The following GRXCR2 variants were observed in gnomAD, a reference collection of about 807,000 sequenced individuals.
GRXCR2 encodes the protein glutaredoxin domain-containing cysteine-rich protein 2.
A neutral mutation model predicts 24.8 loss-of-function variants in GRXCR2; 23 were observed. The ratio of observed to expected loss-of-function variants is 0.93; its 90% confidence interval spans 0.67 to 1.32. The LOEUF is 1.32. Ranked by LOEUF, GRXCR2 falls within the 40% of genes most tolerant of loss-of-function variation. The pLI is 0.00. For synonymous variants in GRXCR2, 130 were observed against 116.1 expected, an observed-to-expected ratio of 1.12 and a Z score of -0.77; for missense variants, 315 against 303.4, an observed-to-expected ratio of 1.04 and a Z score of -0.28.
chr5:145,877,412 C>T (rs1459861932), upstream of GRXCR2, among the ~76,000 whole-genome samples: 1 of 150,420 alleles, frequency 6.6e-6, no homozygotes, highest in Non-Finnish European at 1.5e-5. Context: ...TGCAGTGGTG[C>T]AATCTTGGCT....
intron 2 of GRXCR2, among the ~76,000 whole-genome samples, chr5:145,902,523 A>G (rs538661064): frequency 2.6e-4 from 39 of 152,308 alleles, no homozygotes; most frequent in African/African-American, 9.1e-4. Flanking sequence ...GTTTCCCACT[A>G]AACAATTTCA....
At chr5:145,930,323 G>A (rs1757462068) in intron 2 of GRXCR2, among the ~76,000 whole-genome samples, 1 of 152,136 alleles carries the variant, frequency 6.6e-6, no homozygotes, top group South Asian at 2.1e-4. Flanking sequence ...GGCCTCAAGT[G>A]ATTCGCCCAC....
Position 145,925,965 on chromosome 5 carries a change from CA to C in GRXCR2, c.-70+9735del, listed in dbSNP as rs369006600. On this transcript the variant is annotated intron_variant, in intron 2 of 3. Transcript: ENST00000639411. ...TTTTGCAACTTTCTCACTTGTGTGA[CA>C]AAAAAAAAACAAGATTGTGGTTACC... Among the ~76,000 whole-genome samples the C allele has an allele frequency of 1.8e-4, 26 of 145,970 alleles. No homozygotes were observed. The Middle Eastern group carries it at 0.011, about 60-fold the overall frequency.
chr5:145,897,628 C>T (rs552531369), intron 2 of GRXCR2, among the ~76,000 whole-genome samples: 1 of 152,108 alleles, frequency 6.6e-6, no homozygotes, highest in East Asian at 1.9e-4. Context: ...TACACTCAGA[C>T]CACAGTGGAA....
At chr5:145,929,987 A>G (rs1181729845) in intron 2 of GRXCR2, among the ~76,000 whole-genome samples, 1 of 152,120 alleles carries the variant, frequency 6.6e-6, no homozygotes, top group Non-Finnish European at 1.5e-5. Context: ...ACACCAGGAG[A>G]AAGTTATTCT....
intron 2 of GRXCR2, among the ~76,000 whole-genome samples, chr5:145,928,608 C>T (rs976683951): frequency 2.0e-5 from 3 of 151,942 alleles, no homozygotes; most frequent in Non-Finnish European, 2.9e-5. Flanking sequence ...TTGTAGGACA[C>T]GGATGAAGCT....
Position 145,866,355 on chromosome 5 carries a change from T to C in GRXCR2, c.564+146A>G, listed in dbSNP as rs2149909791. 4 of 606,510 alleles carry C rather than the reference T, an allele frequency of 6.6e-6. No individual in the cohort carries two copies. The East Asian group carries it at 1.1e-4, about 17-fold the overall frequency. The allele number at this position is 606,510 out of a possible 1,614,324, so 37.6% of individuals were successfully genotyped here. A position where few individuals can be genotyped will look rare whatever the true frequency, so the allele number is the denominator to read the frequency against. On this transcript the variant is annotated intron_variant, in intron 2 of 2. Coordinates refer to ENST00000377976, the MANE Select transcript of GRXCR2 (RefSeq NM_001080516.2). The stretch of plus-strand genomic sequence containing the variant: ...CAATGTACCATTAAAATATAACAAA[T>C]GTTAAAATTCCTCATATCTTCAAGT...
chr5:145,886,992 C>A (rs1367580066), intron 2 of GRXCR2, among the ~76,000 whole-genome samples: 1 of 152,188 alleles, frequency 6.6e-6, no homozygotes, highest in Non-Finnish European at 1.5e-5. Flanking sequence ...TATATTGACA[C>A]AGTAGAATCA....
At chr5:145,927,024 CTGTT>C (rs1457551812) in intron 2 of GRXCR2, among the ~76,000 whole-genome samples, 2 of 152,102 alleles carry the variant, frequency 1.3e-5, no homozygotes, top group East Asian at 1.9e-4. Flanking sequence ...ATTTAGCTCT[CTGTT>C]TGTCTGTTAT....
chr5:145,866,134 C>CAAAAAAAAAAAAAAAAA (rs71581841), intron 2 of GRXCR2, among the ~76,000 whole-genome samples: 1 of 85,832 alleles, frequency 1.2e-5, no homozygotes, highest in Non-Finnish European at 2.8e-5. Flanking sequence ...AACTCCTTCT[C>CAAAAAAAAAAAAAAAAA]AAAAAAAAAA....
upstream of GRXCR2, among the ~76,000 whole-genome samples, chr5:145,875,589 A>AT (rs551227235): frequency 1.3e-4 from 19 of 150,930 alleles, no homozygotes; most frequent in South Asian, 4.2e-4. Flanking sequence ...GGATCAGAAG[A>AT]TTTTTTTTTT....
intron 2 of GRXCR2, among the ~76,000 whole-genome samples, chr5:145,906,962 G>C (rs933607717): frequency 9.9e-5 from 15 of 152,202 alleles, no homozygotes; most frequent in African/African-American, 3.6e-4. Flanking sequence ...CTTGCAGTTG[G>C]TGAGGGGGTC....
upstream of GRXCR2, among the ~76,000 whole-genome samples, chr5:145,876,191 G>GTGTGTA (rs1412232264): frequency 1.9e-3 from 196 of 105,300 alleles, 1 homozygote; most frequent in East Asian, 0.019. Flanking sequence ...GTGTGTGTGT[G>GTGTGTA]TATATATATA....
At chr5:145,926,676 T>C (rs2149930298) in intron 2 of GRXCR2, among the ~76,000 whole-genome samples, 1 of 152,318 alleles carries the variant, frequency 6.6e-6, no homozygotes, top group African/African-American at 2.4e-5. Context: ...CCTCCAGCTT[T>C]GTTCTTTTGG....
intron 2 of GRXCR2, among the ~76,000 whole-genome samples, chr5:145,912,351 C>T (rs535710880): frequency 6.6e-6 from 1 of 152,160 alleles, no homozygotes; most frequent in Non-Finnish European, 1.5e-5. Flanking sequence ...TTAGCCCTGA[C>T]CAGAGATCAG....
At chr5:145,864,797 A>G (rs1410188893) in intron 2 of GRXCR2, among the ~76,000 whole-genome samples, 1 of 152,164 alleles carries the variant, frequency 6.6e-6, no homozygotes, top group Non-Finnish European at 1.5e-5. Flanking sequence ...GAGCAGTGTG[A>G]AAACGGACTA....
intron 2 of GRXCR2, among the ~76,000 whole-genome samples, chr5:145,883,203 G>GA (rs1756728777): frequency 6.6e-6 from 1 of 151,812 alleles, no homozygotes; most frequent in African/African-American, 2.4e-5. Flanking sequence ...AACCTGTATA[G>GA]AAAAGAGACT....
upstream of GRXCR2, among the ~76,000 whole-genome samples, chr5:145,873,450 C>T (rs340054): frequency 6.4e-3 from 968 of 152,250 alleles, 10 homozygotes; most frequent in African/African-American, 0.022. Context: ...GAAAATCTTA[C>T]CTTTGTTTTA....
intron 1 of GRXCR2, among the ~76,000 whole-genome samples, chr5:145,868,763 AG>A: frequency 6.6e-6 from 1 of 152,300 alleles, no homozygotes; most frequent in South Asian, 2.1e-4. Context: ...GAGACACCCA[AG>A]ATAGCAAGTT....
Sources: gnomAD v4.1 joint callset for allele counts (sites outside exome capture counted in the v4.1 genomes callset) on GRCh38, gnomAD v4.1.1 for gene constraint, MANE v1.5 for transcripts, NCBI Gene and HGNC (gene_info 2026-07-23, HGNC 2026-07-21) for gene names.